The following KCNB2 variants were observed in gnomAD, a reference collection of about 807,000 sequenced individuals.
The protein encoded by KCNB2 is delayed rectifier potassium channel protein.
A neutral mutation model predicts 61.5 loss-of-function variants in KCNB2; 15 were observed. The observed-to-expected ratio is 0.24, with a 90% CI of 0.16 to 0.38. The LOEUF (loss-of-function observed/expected upper bound fraction) is 0.38. Ranked by LOEUF, KCNB2 falls within the 10% of genes least tolerant of loss-of-function variation. The pLI, the probability that KCNB2 is intolerant of heterozygous loss-of-function variation, is 1.00. For synonymous variants in KCNB2, 457 were observed against 446.0 expected, an observed-to-expected ratio of 1.02 and a Z score of -0.31; for missense variants, 828 against 1,125.2, an observed-to-expected ratio of 0.74 and a Z score of 3.78.
chr8:72,770,655 C>G (rs1013414629), intron 2 of KCNB2, among the ~76,000 whole-genome samples: 3 of 152,134 alleles, frequency 2.0e-5, no homozygotes, highest in African/African-American at 7.2e-5. Context: ...ATAATAATGA[C>G]ACCTATCTCA....
At chr8:72,875,468 T>C (rs1585948005) in intron 2 of KCNB2, among the ~76,000 whole-genome samples, 1 of 152,258 alleles carries the variant, frequency 6.6e-6, no homozygotes, top group Admixed American at 6.5e-5. Flanking sequence ...CCAAGTCTTA[T>C]ATTAATGATC....
intron 2 of KCNB2, among the ~76,000 whole-genome samples, chr8:72,816,447 G>A (rs1485078574): frequency 1.3e-5 from 2 of 152,158 alleles, no homozygotes; most frequent in African/African-American, 4.8e-5. Context: ...TGTTTTGCCT[G>A]ATTTATGCAA....
intron 2 of KCNB2, among the ~76,000 whole-genome samples, chr8:72,577,562 T>C (rs1194643248): frequency 6.6e-6 from 1 of 152,192 alleles, no homozygotes; most frequent in Non-Finnish European, 1.5e-5. Flanking sequence ...GGTCCAAGAA[T>C]AGAAGGAAGA....
At chr8:72,855,329 G>T (rs1264730315) in intron 2 of KCNB2, among the ~76,000 whole-genome samples, 1 of 152,118 alleles carries the variant, frequency 6.6e-6, no homozygotes, top group African/African-American at 2.4e-5. Flanking sequence ...ATTTTTTCCT[G>T]TATCATTAAA....
intron 2 of KCNB2, among the ~76,000 whole-genome samples, chr8:72,606,626 G>T (rs1443348289): frequency 6.6e-6 from 1 of 152,194 alleles, no homozygotes; most frequent in Non-Finnish European, 1.5e-5. Flanking sequence ...CCCTTCGGAG[G>T]CAGTTCACTG....
At chr8:72,753,243 T>G (rs1239887457) in intron 2 of KCNB2, among the ~76,000 whole-genome samples, 1 of 152,250 alleles carries the variant, frequency 6.6e-6, no homozygotes, top group African/African-American at 2.4e-5. Flanking sequence ...TTCCTTTGAC[T>G]TAAAGTCTTT....
Position 72,561,727 on chromosome 8 carries a change from A to ATATATATATGTG in KCNB2, c.-93-5914_-93-5913insATATATATGTGT, listed in dbSNP as rs1189336093. The stretch of plus-strand genomic sequence containing the variant: ...TATATATATATATATATATATATAT[A>ATATATATATGTG]TCTATATCTATATATATATGTATAT... On this transcript the variant is annotated intron_variant, in intron 1 of 2. Coordinates refer to ENST00000523207, the MANE Select transcript of KCNB2 (RefSeq NM_004770.3). Among the ~76,000 whole-genome samples the ATATATATATGTG allele has an allele frequency of 2.2e-3, 76 of 35,260 alleles. 5 individuals are homozygous for ATATATATATGTG. Among genetic ancestry groups the ATATATATATGTG allele is most frequent in the Non-Finnish European group, 3.9e-3 (62 of 15,824 alleles). The allele number at this position is 35,260 out of a possible 152,430, so 23.1% of individuals were successfully genotyped here. A position where few individuals can be genotyped will look rare whatever the true frequency, so the allele number is the denominator to read the frequency against.
chr8:72,713,662 A>G (rs931743265), intron 2 of KCNB2, among the ~76,000 whole-genome samples: 1 of 152,326 alleles, frequency 6.6e-6, no homozygotes, highest in African/African-American at 2.4e-5. Flanking sequence ...CCCTCTGTAC[A>G]TCACCATCAT....
Position 72,936,021 on chromosome 8 carries a change from C to T in KCNB2, c.666C>T (p.Asp222=), listed in dbSNP as rs768533276. Reference sequence around the variant, plus strand: ...CGCTGCCGGAGCTGCAGGAAACGGACGAATTTGGACAACTCAATGACAACC... The same window carrying T: ...CGCTGCCGGAGCTGCAGGAAACGGATGAATTTGGACAACTCAATGACAACC... The part of the protein sequence containing the change: ...LNTLPELQET[D]EFGQLNDNRQ... Residue 222 remains aspartate (D), a synonymous_variant, in exon 3 of 3, where the codon GAC becomes GAT. Transcript: ENST00000523207. This position sits in a 1 kb window ranked among gnomAD's most constrained non-coding sequence, Gnocchi z 5.6. 7 of 1,614,040 alleles carry T rather than the reference C, an allele frequency of 4.3e-6. No individual in the cohort carries two copies. The highest frequency in any genetic ancestry group is 1.7e-5 in the Admixed American group (1 of 60,002).
Position 72,936,895 on chromosome 8 carries a change from G to A in KCNB2, c.1540G>A (p.Glu514Lys). ...SNKSFENKYQ[E>K]VSQKDSHEQL... The stretch of plus-strand genomic sequence containing the variant: ...CAAGTCTTTCGAGAATAAGTACCAG[G>A]AGGTTAGCCAAAAAGACTCCCACGA... The change falls in exon 3 of 3, where the codon GAG (glutamate) becomes AAG (lysine). Residue 514 changes from glutamate (E) to lysine (K), a missense_variant. Glu to Lys is a moderately conservative substitution (Grantham distance 56). Transcript: ENST00000523207. This position sits in a 1 kb window ranked among gnomAD's most constrained non-coding sequence, Gnocchi z 5.6. 1.2e-6 allele frequency: 2 copies of A among 1,614,138 alleles called. No individual in the cohort carries two copies. The highest frequency in any genetic ancestry group is 1.7e-6 in the Non-Finnish European group (2 of 1,180,014).
intron 2 of KCNB2, among the ~76,000 whole-genome samples, chr8:72,671,147 A>G (rs182919978): frequency 7.7e-4 from 118 of 152,296 alleles, no homozygotes; most frequent in African/African-American, 2.7e-3. Context: ...GTTTTTATCT[A>G]GCCTGTTGCC....
chr8:72,634,651 T>C (rs1370684082), intron 2 of KCNB2, among the ~76,000 whole-genome samples: 1 of 152,204 alleles, frequency 6.6e-6, no homozygotes, highest in Non-Finnish European at 1.5e-5. Flanking sequence ...TTAAGGAAGC[T>C]GCATTTCCTC....
chr8:72,554,661 CTAGT>C (rs1410129260), intron 1 of KCNB2, among the ~76,000 whole-genome samples: 1 of 152,080 alleles, frequency 6.6e-6, no homozygotes, highest in Non-Finnish European at 1.5e-5. Context: ...TGTTTTTCAC[CTAGT>C]TAGAGTGGAC....
At chr8:72,700,583 T>C (rs754597458) in intron 2 of KCNB2, among the ~76,000 whole-genome samples, 18 of 151,918 alleles carry the variant, frequency 1.2e-4, no homozygotes, top group Admixed American at 2.6e-4. Flanking sequence ...AGTCAAAAAA[T>C]GACAAATGCT....
chr8:72,610,119 T>G (rs940781901), intron 2 of KCNB2, among the ~76,000 whole-genome samples: 12 of 152,100 alleles, frequency 7.9e-5, no homozygotes, highest in African/African-American at 2.9e-4. Flanking sequence ...GAAAAAAAAA[T>G]CTTCAAATCA....
chr8:72,779,827 G>A (rs936746180), intron 2 of KCNB2, among the ~76,000 whole-genome samples: 2 of 152,168 alleles, frequency 1.3e-5, no homozygotes, highest in African/African-American at 4.8e-5. Flanking sequence ...ACTGAATAAT[G>A]AGAGCTGTAT....
intron 2 of KCNB2, among the ~76,000 whole-genome samples, chr8:72,630,674 T>G (rs1475714380): frequency 6.6e-6 from 1 of 152,214 alleles, no homozygotes; most frequent in African/African-American, 2.4e-5. Context: ...ATACTGATTT[T>G]TAGCATAACA....
At chr8:72,821,641 CA>C (rs61090576) in intron 2 of KCNB2, among the ~76,000 whole-genome samples, 24,665 of 125,880 alleles carry the variant, frequency 0.2, 3,001 homozygotes, top group African/African-American at 0.38. Flanking sequence ...CAAAAAAAAA[CA>C]AAAAAAAAAA....
intron 1 of KCNB2, among the ~76,000 whole-genome samples, chr8:72,567,391 G>T (rs1486883027): frequency 6.6e-6 from 1 of 152,122 alleles, no homozygotes; most frequent in Non-Finnish European, 1.5e-5. Context: ...TTTGGGAGTT[G>T]CCAGCCTATA....
Sources: allele counts gnomAD v4.1 joint callset (sites outside exome capture counted in the v4.1 genomes callset), GRCh38; gene constraint gnomAD v4.1.1; non-coding constraint Gnocchi (gnomAD v3.1); transcripts MANE v1.5; gene names NCBI Gene and HGNC (gene_info 2026-07-23, HGNC 2026-07-21).